Variants in POU6F2 observed in about 807,000 individuals in gnomAD.
POU6F2 encodes POU domain, class 6, transcription factor 2.
POU6F2 carries 31 observed loss-of-function variants against 71.3 expected under a neutral mutation model. That is an observed-to-expected ratio of 0.43 (90% confidence interval 0.33 to 0.59). The LOEUF (loss-of-function observed/expected upper bound fraction) is 0.59. Among genes scored for constraint, POU6F2 ranks in the 20% least tolerant of loss-of-function variants. The pLI is 0.04. For synonymous variants in POU6F2, 347 were observed against 355.7 expected (o/e 0.98, Z 0.27); for missense variants, 783 against 856.8 (o/e 0.91, Z 1.07).
At chr7:39,333,882 G>T (rs1252578912) in intron 4 of POU6F2, among the ~76,000 whole-genome samples, 1 of 152,176 alleles carries the variant, frequency 6.6e-6, no homozygotes, top group Non-Finnish European at 1.5e-5. Flanking sequence ...CAAGGGTAAT[G>T]GTTCCCAATC....
intron 1 of POU6F2, among the ~76,000 whole-genome samples, chr7:39,067,488 A>T (rs10480174): frequency 0.17 from 26,003 of 151,914 alleles, 2,358 homozygotes; most frequent in Middle Eastern, 0.2. Context: ...CGGAAATAAC[A>T]AATTCTAGAA....
At chr7:39,026,519 A>G (rs1407859325) in intron 1 of POU6F2, among the ~76,000 whole-genome samples, 1 of 152,088 alleles carries the variant, frequency 6.6e-6, no homozygotes, top group African/African-American at 2.4e-5. Context: ...CAAACACCGC[A>G]TGTTCTCAGT....
intron 2 of POU6F2, among the ~76,000 whole-genome samples, chr7:39,096,028 A>G (rs529931874): frequency 6.6e-6 from 1 of 152,308 alleles, no homozygotes; most frequent in East Asian, 1.9e-4. Context: ...TCAATGATAA[A>G]TAAAGAACTT....
At chr7:39,209,945 A>G (rs1383149684) in intron 4 of POU6F2, among the ~76,000 whole-genome samples, 1 of 152,210 alleles carries the variant, frequency 6.6e-6, no homozygotes, top group African/African-American at 2.4e-5. Flanking sequence ...GGTGAGAGTT[A>G]AGGGTGAGAG....
intron 4 of POU6F2, among the ~76,000 whole-genome samples, chr7:39,320,720 A>C (rs1785370958): frequency 6.6e-6 from 1 of 152,212 alleles, no homozygotes; most frequent in Non-Finnish European, 1.5e-5. Context: ...ATACCTATAA[A>C]GTTTAACTTA....
At chr7:39,131,037 G>A (rs1792266719) in intron 2 of POU6F2, among the ~76,000 whole-genome samples, 2 of 152,202 alleles carry the variant, frequency 1.3e-5, no homozygotes, top group Non-Finnish European at 2.9e-5. Flanking sequence ...TAATTGAGAA[G>A]TGTGTATAAA....
At chr7:39,050,284 T>C (rs1361269688) in intron 1 of POU6F2, among the ~76,000 whole-genome samples, 2 of 152,028 alleles carry the variant, frequency 1.3e-5, no homozygotes, top group African/African-American at 4.8e-5. Flanking sequence ...TAGTGAGAGA[T>C]TGGGCCCAAA....
At chr7:39,340,514 G>A (rs924142527) in intron 5 of POU6F2, among the ~76,000 whole-genome samples, 7 of 152,092 alleles carry the variant, frequency 4.6e-5, no homozygotes, top group South Asian at 2.1e-4. Flanking sequence ...GGGGTTAGGA[G>A]GGCAAAGAAA....
At chr7:39,399,404 C>T (rs1282923323) in intron 5 of POU6F2, among the ~76,000 whole-genome samples, 1 of 152,244 alleles carries the variant, frequency 6.6e-6, no homozygotes, top group Non-Finnish European at 1.5e-5. Context: ...CCCCAGATTA[C>T]CCACACTTCT....
intron 2 of POU6F2, among the ~76,000 whole-genome samples, chr7:39,143,719 G>A (rs1792555837): frequency 6.6e-6 from 1 of 152,140 alleles, no homozygotes; most frequent in South Asian, 2.1e-4. Flanking sequence ...GCCCATTGCA[G>A]TCACCCAGAT....
intron 5 of POU6F2, among the ~76,000 whole-genome samples, chr7:39,344,076 C>A (rs1325591798): frequency 1.3e-5 from 2 of 152,142 alleles, no homozygotes; most frequent in Non-Finnish European, 2.9e-5. Flanking sequence ...CTTTTCCACA[C>A]CTATACATTA....
chr7:39,304,752 G>T (rs1163379792), intron 4 of POU6F2, among the ~76,000 whole-genome samples: 2 of 152,124 alleles, frequency 1.3e-5, no homozygotes. Context: ...AAATTTTTTG[G>T]TATCTTGCAG....
intron 5 of POU6F2, among the ~76,000 whole-genome samples, chr7:39,394,427 T>C (rs377672770): frequency 6.6e-6 from 1 of 152,200 alleles, no homozygotes. Context: ...TAATGTTGCA[T>C]GAGGATGTGA....
chr7:39,037,084 G>A (rs1790082524), intron 1 of POU6F2, among the ~76,000 whole-genome samples: 1 of 151,946 alleles, frequency 6.6e-6, no homozygotes, highest in Admixed American at 6.6e-5. Context: ...GAGAGACTCA[G>A]TTGCTGTTTA....
At chr7:39,314,177 A>G (rs770742446) in intron 4 of POU6F2, among the ~76,000 whole-genome samples, 88 of 152,194 alleles carry the variant, frequency 5.8e-4, no homozygotes, top group Non-Finnish European at 1.2e-3. Context: ...TACTGGCTGC[A>G]CTTTGAATCA....
chr7:39,309,235 A>G (rs1432028545), intron 4 of POU6F2, among the ~76,000 whole-genome samples: 2 of 152,252 alleles, frequency 1.3e-5, no homozygotes, highest in African/African-American at 4.8e-5. Flanking sequence ...ATTTTCTTTA[A>G]GAAGCAACGC....
intron 4 of POU6F2, among the ~76,000 whole-genome samples, chr7:39,216,168 A>G (rs1584606698): frequency 6.6e-6 from 1 of 152,214 alleles, no homozygotes; most frequent in East Asian, 1.9e-4. Flanking sequence ...GAGGAGGAGC[A>G]CAAAATTGGA....
intron 2 of POU6F2, among the ~76,000 whole-genome samples, chr7:39,122,978 C>T (rs1223686532): frequency 6.6e-6 from 1 of 152,146 alleles, no homozygotes; most frequent in African/African-American, 2.4e-5. Flanking sequence ...GCATGAGCCA[C>T]CGCACCCGGT....
chr7:39,199,584 C>A (rs1275996501), intron 2 of POU6F2, among the ~76,000 whole-genome samples: 1 of 152,028 alleles, frequency 6.6e-6, no homozygotes, highest in Non-Finnish European at 1.5e-5. Context: ...TCAGCTTGAG[C>A]TGGGTGGAGA....
Sources: gnomAD v4.1 joint callset for allele counts (sites outside exome capture counted in the v4.1 genomes callset) on GRCh38, gnomAD v4.1.1 for gene constraint, MANE v1.5 for transcripts, NCBI Gene and HGNC (gene_info 2026-07-23, HGNC 2026-07-21) for gene names.